Variants in CUX2 observed in about 807,000 individuals in gnomAD.
CUX2 encodes cut like homeobox 2, also known as homeobox protein cut-like 2.
Under a neutral mutation model 144.8 loss-of-function variants are expected in CUX2, and 40 were observed. The observed-to-expected ratio is 0.28, with a 90% CI of 0.21 to 0.36. The LOEUF (loss-of-function observed/expected upper bound fraction) is 0.36. Ranked by LOEUF, CUX2 falls within the 10% of genes least tolerant of loss-of-function variation. The probability of loss-of-function intolerance (pLI) is 1.00; values close to 1 mark genes in which losing one functional copy is unlikely to be tolerated. For synonymous variants in CUX2, 827 were observed against 875.6 expected (o/e 0.94, Z 0.98); for missense variants, 1,615 against 1,994.0 (o/e 0.81, Z 3.62).
intron 18 of CUX2, among the ~76,000 whole-genome samples, chr12:111,330,227 C>T (rs917124375): frequency 5.9e-5 from 9 of 152,178 alleles, no homozygotes; most frequent in Non-Finnish European, 1.0e-4. Flanking sequence ...CTTCACCTTG[C>T]CCTCTTCAGG....
At chr12:111,052,793 T>A (rs913924856) in intron 1 of CUX2, among the ~76,000 whole-genome samples, 1 of 152,212 alleles carries the variant, frequency 6.6e-6, no homozygotes, top group African/African-American at 2.4e-5. Flanking sequence ...TTTCAACATC[T>A]CCTTGCCATG....
rs1419679745 is a variant in CUX2, at chr12:111,171,923, GTGTGCC to G, written c.64-42266_64-42261del. ...CAGCATATGCACTCTCTGTGTGTGC[GTGTGCC>G]TGTGCCTGTGTACACGTGCGTGTGT... On this transcript the variant is annotated intron_variant, in intron 1 of 21. Transcript: ENST00000261726. The surrounding 1 kb of genome is among the most constrained non-coding windows in gnomAD (Gnocchi z 5.0). Among the ~76,000 whole-genome samples the G allele has an allele frequency of 1.3e-5, 2 of 152,102 alleles. No homozygotes were observed. The highest frequency in any genetic ancestry group is 2.4e-5 in the African/African-American group (1 of 41,420).
At position 111,176,748 on chromosome 12, in the gene CUX2, G is replaced by A. The variant is rs1015221844; in HGVS notation, c.64-37452G>A. 1.3e-4 allele frequency among the ~76,000 whole-genome samples: 20 copies of A among 152,268 alleles called. No individual in the cohort carries two copies. The South Asian group carries it at 2.3e-3, about 17-fold the overall frequency. ...CTGACCATCAGGGCTGCTTTCCTTTGTTGGGCTGAAACTTGTTCACATGTG... is the reference window on the plus strand; with the variant it reads ...CTGACCATCAGGGCTGCTTTCCTTTATTGGGCTGAAACTTGTTCACATGTG... On this transcript the variant is annotated intron_variant, in intron 1 of 21. Transcript: ENST00000261726.
intron 3 of CUX2, among the ~76,000 whole-genome samples, chr12:111,224,137 C>G (rs560053600): frequency 6.6e-6 from 1 of 152,246 alleles, no homozygotes; most frequent in South Asian, 2.1e-4. Context: ...CATGGGGGCC[C>G]TGGTCTCTCA....
rs538865194 is a variant in CUX2, at chr12:111,068,013, T to C, written c.63+33773T>C. On this transcript the variant is annotated intron_variant, in intron 1 of 21. Coordinates refer to ENST00000261726, the MANE Select transcript of CUX2 (RefSeq NM_015267.4). The surrounding 1 kb of genome is among the most constrained non-coding windows in gnomAD (Gnocchi z 4.9). ...CCATCACGACCCCTCTAGCAAGAGT[T>C]ACCTGCCCTCCCCACCGATCATACC... is the stretch of plus-strand genomic sequence containing the variant. 1.6e-3 allele frequency among the ~76,000 whole-genome samples: 249 copies of C among 152,190 alleles called. 2 individuals carry two copies. Among genetic ancestry groups the C allele is most frequent in the African/African-American group, 5.7e-3 (236 of 41,518 alleles).
chr12:111,331,416 G>T (rs1888116280), intron 18 of CUX2, among the ~76,000 whole-genome samples: 1 of 152,130 alleles, frequency 6.6e-6, no homozygotes. Flanking sequence ...GCTGGGATTA[G>T]GTGTGGCCAG....
In CUX2 at chr12:111,334,665, T is replaced by G; in HGVS notation, c.3151T>G (p.Ser1051Ala). The G allele has an allele frequency of 6.2e-7, 1 of 1,613,724 alleles. No homozygotes were observed. Among genetic ancestry groups the G allele is most frequent in the Non-Finnish European group, 8.5e-7 (1 of 1,179,904 alleles). The change falls in exon 19 of 22, where the codon TCC becomes GCC. Residue 1051 changes from serine (S) to alanine (A), a missense_variant. Physicochemically the swap from Ser to Ala is moderately conservative, Grantham distance 99 (BLOSUM62 1). This residue lies in a region of CUX2 where 128 missense variants were observed against 124.4 expected (regional missense o/e 1.03). Transcript: ENST00000261726. ...VAMSPELDTY[S>A]ITKRVKEVLT... ...CATGTCCCCCGAGCTGGACACGTAC[T>G]CCATCACCAAGAGGGTGAAGGAGGT...
rs139627962 is a variant in CUX2, at chr12:111,123,305, C to T, written c.63+89065C>T. Among the ~76,000 whole-genome samples, 535 of 152,322 alleles carry T rather than the reference C, an allele frequency of 3.5e-3. 3 individuals carry two copies. Among genetic ancestry groups the T allele is most frequent in the African/African-American group, 0.012 (511 of 41,562 alleles). ...TCAAGTGATTTTCGTGCCTCAGCCT[C>T]CCAAATAGCTGGGATTACAGGTGCA... On this transcript the variant is annotated intron_variant, in intron 1 of 21. Coordinates refer to ENST00000261726, the MANE Select transcript of CUX2 (RefSeq NM_015267.4).
chr12:111,199,281 G>A (rs1311150161), intron 1 of CUX2, among the ~76,000 whole-genome samples: 2 of 152,164 alleles, frequency 1.3e-5, no homozygotes, highest in African/African-American at 2.4e-5. Context: ...GCTAGCAAGA[G>A]CAGCAAGCAG....
intron 1 of CUX2, among the ~76,000 whole-genome samples, chr12:111,058,015 A>G (rs1027275395): frequency 2.6e-5 from 4 of 152,142 alleles, no homozygotes; most frequent in African/African-American, 4.8e-5. Context: ...TAAATATGCA[A>G]TTTTTCACGG....
intron 1 of CUX2, among the ~76,000 whole-genome samples, chr12:111,175,239 A>G (rs1878773363): frequency 6.6e-6 from 1 of 152,070 alleles, no homozygotes; most frequent in Non-Finnish European, 1.5e-5. Context: ...AAATTTACCA[A>G]TTCCTCAGTA....
chr12:111,331,245 C>T (rs1888109390), intron 18 of CUX2, among the ~76,000 whole-genome samples: 1 of 152,132 alleles, frequency 6.6e-6, no homozygotes, highest in African/African-American at 2.4e-5. Context: ...TCACCCACGA[C>T]AGAGAAGGAA....
At chr12:111,298,796 G>A (rs1231096380) in intron 9 of CUX2, among the ~76,000 whole-genome samples, 2 of 152,164 alleles carry the variant, frequency 1.3e-5, no homozygotes, top group Non-Finnish European at 2.9e-5. Flanking sequence ...AGGGTAGGGG[G>A]TTGGGGTAGG....
intron 14 of CUX2, among the ~76,000 whole-genome samples, chr12:111,309,332 C>T (rs1363469485): frequency 6.6e-6 from 1 of 152,206 alleles, no homozygotes; most frequent in Non-Finnish European, 1.5e-5. Context: ...GAGTCAGCTC[C>T]AGGGTGGGTG....
At chr12:111,234,507 G>A (rs1304317669) in intron 3 of CUX2, among the ~76,000 whole-genome samples, 2 of 152,160 alleles carry the variant, frequency 1.3e-5, no homozygotes, top group East Asian at 1.9e-4. Context: ...TGTCCCAGGT[G>A]TACCAATGAG....
At chr12:111,223,716 A>G (rs79889693) in intron 3 of CUX2, among the ~76,000 whole-genome samples, 3,734 of 152,246 alleles carry the variant, frequency 0.025, 166 homozygotes, top group African/African-American at 0.085. Context: ...CATGGTGGAC[A>G]TCCAACCCAG....
chr12:111,070,593 A>G (rs897092188), intron 1 of CUX2, among the ~76,000 whole-genome samples: 1 of 152,154 alleles, frequency 6.6e-6, no homozygotes, highest in Non-Finnish European at 1.5e-5. Flanking sequence ...GTTACAAATC[A>G]ATGTACATTG....
chr12:111,277,224 G>A lies in CUX2; in HGVS notation c.301+13385G>A, dbSNP rs1652691569. Among the ~76,000 whole-genome samples, 1 of 152,064 alleles carries A rather than the reference G, an allele frequency of 6.6e-6. No individual in the cohort carries two copies. The highest frequency in any genetic ancestry group is 2.4e-5 in the African/African-American group (1 of 41,408). ...CTGCCACCCTCGGCCATAGCACCCCGCCCTCCCAGCCTGCGCAGGGAGGGG... is the reference window on the plus strand; with the variant it reads ...CTGCCACCCTCGGCCATAGCACCCCACCCTCCCAGCCTGCGCAGGGAGGGG... On this transcript the variant is annotated intron_variant, in intron 4 of 21. Transcript: ENST00000261726. This position sits in a 1 kb window ranked among gnomAD's most constrained non-coding sequence, Gnocchi z 5.0.
intron 1 of CUX2, among the ~76,000 whole-genome samples, chr12:111,128,662 C>A (rs1039122450): frequency 1.3e-5 from 2 of 152,156 alleles, no homozygotes; most frequent in Admixed American, 6.5e-5. Context: ...GTCAAGCATT[C>A]AATCTCCACT....
Sources: gnomAD v4.1 joint callset for allele counts (sites outside exome capture counted in the v4.1 genomes callset) on GRCh38, gnomAD v4.1.1 for gene constraint, gnomAD v4.1.1 regional missense constraint, Gnocchi (gnomAD v3.1) non-coding constraint, MANE v1.5 for transcripts, NCBI Gene and HGNC (gene_info 2026-07-23, HGNC 2026-07-21) for gene names.